Variants in RAB3B observed in about 807,000 individuals in gnomAD.
RAB3B encodes the protein RAB3B, member RAS oncogene family.
RAB3B carries 11 observed loss-of-function variants against 20.5 expected under a neutral mutation model. That is an observed-to-expected ratio of 0.54 (90% CI 0.34 to 0.89). The LOEUF (loss-of-function observed/expected upper bound fraction) is 0.89, where lower values mean the gene tolerates loss of function less well. RAB3B is among the 40% of genes least tolerant of loss of function. The probability of loss-of-function intolerance (pLI) is 0.02; values close to 1 mark genes in which losing one functional copy is unlikely to be tolerated. For synonymous variants in RAB3B, 99 were observed against 106.3 expected (o/e 0.93, Z 0.42); for missense variants, 225 against 280.9 (o/e 0.80, Z 1.42).
chr1:51,976,784 G>C (rs772478649), intron 2 of RAB3B, 106 bp downstream of exon 2: 53 of 953,188 alleles, frequency 5.6e-5, no homozygotes, highest in Non-Finnish European at 8.2e-5. Context: ...ATTAATGCCT[G>C]ATGCTGTAAG....
chr1:51,942,099 C>G (rs914535012), intron 2 of RAB3B, among the ~76,000 whole-genome samples: 2 of 152,230 alleles, frequency 1.3e-5, no homozygotes, highest in East Asian at 3.9e-4. Context: ...AGACCTCCCA[C>G]TGATCTGTAG....
At chr1:51,969,612 A>G (rs1156747754) in intron 2 of RAB3B, among the ~76,000 whole-genome samples, 1 of 75,140 alleles carries the variant, frequency 1.3e-5, no homozygotes, top group Admixed American at 1.8e-4. Flanking sequence ...TTAATGAGTA[A>G]TAAGGCTTTT....
rs989837041 is a variant in RAB3B, at chr1:51,914,044, CAGA to C, written c.*5880_*5882del. The C allele has an allele frequency of 5.3e-5, 8 of 152,340 alleles. No homozygotes were observed. The highest frequency in any genetic ancestry group is 1.9e-4 in the African/African-American group (8 of 41,562). 9.4% of individuals were successfully genotyped at this position (152,340 alleles called of 1,614,324 possible). ...CTATCCTAGACCATCCTGCCTCAGC[CAGA>C]AGAACCACCCAGCCAACCCACAGAA... is the stretch of plus-strand genomic sequence containing the variant. On this transcript the variant is annotated 3_prime_UTR_variant, in exon 5 of 5. Transcript: ENST00000371655.
At chr1:51,964,360 C>G (rs183285526) in intron 2 of RAB3B, among the ~76,000 whole-genome samples, 2 of 152,162 alleles carry the variant, frequency 1.3e-5, no homozygotes, top group African/African-American at 4.8e-5. Context: ...TCTCCTTTCC[C>G]GATTCTCCCT....
intron 4 of RAB3B, among the ~76,000 whole-genome samples, chr1:51,929,844 G>A (rs72663193): frequency 0.019 from 2,940 of 152,256 alleles, 45 homozygotes; most frequent in Non-Finnish European, 0.029. Context: ...GATTGCAGCT[G>A]TTTGTTCATC....
At chr1:51,973,014 G>T (rs1396606123) in intron 2 of RAB3B, among the ~76,000 whole-genome samples, 2 of 152,096 alleles carry the variant, frequency 1.3e-5, no homozygotes, top group East Asian at 3.9e-4. Flanking sequence ...GATGAGTTTG[G>T]ATCCAAAACC....
chr1:51,957,341 A>C (rs1420445956), intron 2 of RAB3B, among the ~76,000 whole-genome samples: 1 of 152,168 alleles, frequency 6.6e-6, no homozygotes, highest in African/African-American at 2.4e-5. Context: ...AATTACCCTC[A>C]TTCTCATCCT....
At chr1:51,946,401 T>A (rs1422789600) in intron 2 of RAB3B, among the ~76,000 whole-genome samples, 1 of 152,168 alleles carries the variant, frequency 6.6e-6, no homozygotes, top group African/African-American at 2.4e-5. Context: ...CTCCTACTGA[T>A]GAGAGTCAGA....
At chr1:51,964,287 A>C (rs1684818822) in intron 2 of RAB3B, among the ~76,000 whole-genome samples, 1 of 152,152 alleles carries the variant, frequency 6.6e-6, no homozygotes, top group Non-Finnish European at 1.5e-5. Flanking sequence ...CCTTCCTCTG[A>C]AAAACTATCT....
chr1:51,971,402 T>C (rs1684932100), intron 2 of RAB3B, among the ~76,000 whole-genome samples: 3 of 151,936 alleles, frequency 2.0e-5, no homozygotes, highest in African/African-American at 7.3e-5. Flanking sequence ...CCTAATCCTA[T>C]ACAGTATACA....
intron 1 of RAB3B, among the ~76,000 whole-genome samples, chr1:51,984,387 CTTTTT>C (rs949424495): frequency 2.0e-5 from 2 of 98,906 alleles, no homozygotes; most frequent in African/African-American, 7.5e-5. Flanking sequence ...AAGACCAATT[CTTTTT>C]TTTTTTTTTT....
Position 51,918,971 on chromosome 1 carries a change from C to CTTTTTTT in RAB3B, c.*949_*955dup, listed in dbSNP as rs10525871. On this transcript the variant is annotated 3_prime_UTR_variant, in exon 5 of 5. Transcript: ENST00000371655. Reference sequence around the variant, plus strand: ...ATTTTGTAGGGGATAATCCTTTTCTCTTTTTTTTTTTTTTTTTTTTTTTGA... The same window carrying CTTTTTTT: ...ATTTTGTAGGGGATAATCCTTTTCTCTTTTTTTTTTTTTTTTTTTTTTTTTTTTTTGA... The CTTTTTTT allele has an allele frequency of 2.6e-4, 34 of 132,184 alleles. No homozygotes were observed. Among genetic ancestry groups the CTTTTTTT allele is most frequent in the Non-Finnish European group, 4.0e-4 (25 of 63,262 alleles). 8.2% of individuals were successfully genotyped at this position (132,184 alleles called of 1,614,324 possible).
intron 2 of RAB3B, among the ~76,000 whole-genome samples, chr1:51,971,413 C>T (rs1684932354): frequency 2.0e-5 from 3 of 151,646 alleles, no homozygotes. Flanking sequence ...ACAGTATACA[C>T]TATGCTTTTT....
In RAB3B at chr1:51,919,894, A is replaced by G. The variant is rs761123725; in HGVS notation, c.*33T>C. 5 of 1,589,374 alleles carry G rather than the reference A, an allele frequency of 3.1e-6. No homozygotes were observed. The highest frequency in any genetic ancestry group is 2.7e-5 in the African/African-American group (2 of 74,546). On this transcript the variant is annotated 3_prime_UTR_variant, in exon 5 of 5. Coordinates refer to ENST00000371655, the MANE Select transcript of RAB3B (RefSeq NM_002867.4). ...GGAGAAGCAGACTGGGTGTGGGGCC[A>G]CAATGAGGGGAGGTCAGGAAGGTGG...
intron 2 of RAB3B, among the ~76,000 whole-genome samples, chr1:51,949,858 CA>C (rs1223683336): frequency 2.2e-4 from 34 of 152,202 alleles, no homozygotes; most frequent in South Asian, 4.1e-4. Context: ...CACAGTGCCA[CA>C]GCCTTTTGGG....
chr1:51,966,228 T>C (rs1449342268), intron 2 of RAB3B, among the ~76,000 whole-genome samples: 1 of 152,226 alleles, frequency 6.6e-6, no homozygotes, highest in African/African-American at 2.4e-5. Context: ...ATCAGACTCA[T>C]TTGTCAAGAC....
chr1:51,942,465 CA>C (rs1367019921), intron 2 of RAB3B, among the ~76,000 whole-genome samples: 1 of 152,180 alleles, frequency 6.6e-6, no homozygotes, highest in South Asian at 2.1e-4. Context: ...GTTTGTTAAA[CA>C]AAAAGGCCAT....
intron 4 of RAB3B, among the ~76,000 whole-genome samples, chr1:51,923,990 T>C (rs2124235653): frequency 6.6e-6 from 1 of 152,338 alleles, no homozygotes; most frequent in South Asian, 2.1e-4. Flanking sequence ...CTTTTTACCC[T>C]GCATGGCAGA....
At position 51,912,692 on chromosome 1, in the gene RAB3B, G is replaced by T. The variant is rs1399090791; in HGVS notation, c.*7235C>A. 6.7e-6 allele frequency: 1 copy of T among 149,538 alleles called. No individual in the cohort carries two copies. Among genetic ancestry groups the T allele is most frequent in the Non-Finnish European group, 1.5e-5 (1 of 67,622 alleles). 9.3% of individuals were successfully genotyped at this position (149,538 alleles called of 1,614,324 possible). A position where few individuals can be genotyped will look rare whatever the true frequency, so the allele number is the denominator to read the frequency against. ...AGGAACTCTGTGGTAGCTCTCTAGG[G>T]CAGAAAACAATGGTGGCCTGGACCA... On this transcript the variant is annotated 3_prime_UTR_variant, in exon 5 of 5. Transcript: ENST00000371655.
Sources: allele counts gnomAD v4.1 joint callset (sites outside exome capture counted in the v4.1 genomes callset), GRCh38; gene constraint gnomAD v4.1.1; transcripts MANE v1.5; gene names NCBI Gene and HGNC (gene_info 2026-07-23, HGNC 2026-07-21).